The following ADAM17 variants were observed in gnomAD, a reference collection of about 807,000 sequenced individuals.
ADAM17 encodes disintegrin and metalloproteinase domain-containing protein 17.
Under a neutral mutation model 96.7 loss-of-function variants are expected in ADAM17, and 39 were observed. That is an observed-to-expected ratio of 0.40 (90% confidence interval 0.31 to 0.53). The LOEUF (loss-of-function observed/expected upper bound fraction) is 0.53. Ranked by LOEUF, ADAM17 falls within the 20% of genes least tolerant of loss-of-function variation. ADAM17 has a pLI of 0.44. For missense variants in ADAM17, 777 were observed against 1,013.2 expected, an observed-to-expected ratio of 0.77 and a Z score of 3.17; for synonymous variants, 344 against 359.2, an observed-to-expected ratio of 0.96 and a Z score of 0.48.
At chr2:9,526,323 T>G in intron 5 of ADAM17, 79 bp from the exon 6 acceptor site, 2 of 1,439,148 alleles carry the variant, frequency 1.4e-6, no homozygotes, top group Non-Finnish European at 1.9e-6. Flanking sequence ...AAATCTAACA[T>G]ATTTTTGAAA....
chr2:9,553,225 C>T (rs912486032), intron 1 of ADAM17, among the ~76,000 whole-genome samples: 13 of 152,156 alleles, frequency 8.5e-5, no homozygotes, highest in African/African-American at 2.2e-4. Flanking sequence ...CTTGCTATAA[C>T]GTACTCTAGC....
chr2:9,534,396 A>G (rs1303328460), intron 4 of ADAM17, among the ~76,000 whole-genome samples: 3 of 151,830 alleles, frequency 2.0e-5, no homozygotes, highest in Admixed American at 1.3e-4. Context: ...TTAGCCGGAC[A>G]TCATGGCGCA....
At position 9,502,407 on chromosome 2, in the gene ADAM17, C is replaced by T; in HGVS notation, c.1545-131G>A. The T allele has an allele frequency of 4.3e-6, 3 of 693,432 alleles. No individual in the cohort carries two copies. The Admixed American group carries it at 7.5e-5, about 17-fold the overall frequency. 43.0% of individuals were successfully genotyped at this position (693,432 alleles called of 1,614,324 possible). On this transcript the variant is annotated intron_variant, in intron 12 of 18. Coordinates refer to ENST00000310823, the MANE Select transcript of ADAM17 (RefSeq NM_003183.6). ...CTCCTGGCTCCGTCACCCACTCCTA[C>T]ATCATCAGACATCTCCGCTGCTAGA... is the stretch of plus-strand genomic sequence containing the variant.
chr2:9,534,909 T>A (rs1664899421), intron 4 of ADAM17, among the ~76,000 whole-genome samples: 1 of 152,254 alleles, frequency 6.6e-6, no homozygotes, highest in African/African-American at 2.4e-5. Flanking sequence ...TGAATGCATT[T>A]ATAATATTAG....
At chr2:9,510,339 G>A (rs989747075) in intron 10 of ADAM17, among the ~76,000 whole-genome samples, 7 of 151,916 alleles carry the variant, frequency 4.6e-5, no homozygotes, top group Non-Finnish European at 1.0e-4. Context: ...GGTAACACAG[G>A]GAGACCCTAT....
rs769256744 is a variant in ADAM17 at position 9,506,359 on chromosome 2, GTTTTTTTTTTTTTTT to G, written c.1345-1009_1345-995del. On this transcript the variant is annotated intron_variant, in intron 11 of 18. Transcript: ENST00000310823. ...CTTTTTAAAAAACATCTTCAAATCT[GTTTTTTTTTTTTTTT>G]TTTTTTTTTTTTAGATGGAGTCTTG... Among the ~76,000 whole-genome samples the G allele has an allele frequency of 2.7e-5, 2 of 73,208 alleles. 1 individual carries two copies. Among genetic ancestry groups the G allele is most frequent in the Admixed American group, 2.8e-4 (2 of 7,018 alleles). The allele number at this position is 73,208 out of a possible 152,430, so 48.0% of individuals were successfully genotyped here.
At chr2:9,505,027 A>C (rs1663299611) in intron 12 of ADAM17, 139 bp downstream of exon 12, 1 of 946,796 alleles carries the variant, frequency 1.1e-6, no homozygotes. Flanking sequence ...CTTGCTGTGA[A>C]GGGCAAAAGA....
intron 6 of ADAM17, among the ~76,000 whole-genome samples, chr2:9,525,159 T>C (rs1007747650): frequency 1.3e-5 from 2 of 151,718 alleles, no homozygotes; most frequent in African/African-American, 2.4e-5. Flanking sequence ...TGGGGCCGAG[T>C]GCTGTGGTTC....
intron 17 of ADAM17, among the ~76,000 whole-genome samples, chr2:9,492,360 C>T (rs1284389548): frequency 6.6e-6 from 1 of 152,198 alleles, no homozygotes; most frequent in Non-Finnish European, 1.5e-5. Context: ...CAACTTGTAG[C>T]TGTTACTGAT....
At chr2:9,521,073 G>T (rs1664289964) in intron 8 of ADAM17, 130 bp downstream of exon 8, 1 of 624,960 alleles carries the variant, frequency 1.6e-6, no homozygotes, top group Non-Finnish European at 2.8e-6. Flanking sequence ...GGTTACTGCT[G>T]GATCAGCTGG....
chr2:9,534,307 T>C (rs1231731278), intron 4 of ADAM17, among the ~76,000 whole-genome samples: 1 of 152,134 alleles, frequency 6.6e-6, no homozygotes, highest in Non-Finnish European at 1.5e-5. Flanking sequence ...AGCCAGAGGT[T>C]GCAGTGAGCC....
chr2:9,529,668 A>C (rs1664661254), intron 4 of ADAM17, among the ~76,000 whole-genome samples: 1 of 151,924 alleles, frequency 6.6e-6, no homozygotes, highest in South Asian at 2.1e-4. Flanking sequence ...TGTTTGCACA[A>C]CTCCATCAAT....
At chr2:9,543,087 C>T (rs1665272803) in intron 2 of ADAM17, 66 bp downstream of exon 2, 2 of 1,458,220 alleles carry the variant, frequency 1.4e-6, no homozygotes, top group Non-Finnish European at 1.8e-6. Context: ...GATACCCTTA[C>T]TTTTTTGTTT....
In ADAM17 at chr2:9,514,420, G is replaced by A. The variant is rs1488721212; in HGVS notation, c.1191+3481C>T. ...AGGAGATATACCTAATGTAAATGACGAGTTAATGGGTGCAGCACACCAACA... is the reference window on the plus strand; with the variant it reads ...AGGAGATATACCTAATGTAAATGACAAGTTAATGGGTGCAGCACACCAACA... On this transcript the variant is annotated intron_variant, in intron 10 of 18. Transcript: ENST00000310823. Among the ~76,000 whole-genome samples the A allele has an allele frequency of 9.5e-5, 14 of 147,178 alleles. No homozygotes were observed. In the East Asian group the frequency reaches 2.3e-3, roughly 24 times the overall value.
intron 1 of ADAM17, among the ~76,000 whole-genome samples, chr2:9,546,728 T>TTTTTTTTG (rs1665416702): frequency 6.6e-6 from 1 of 151,098 alleles, no homozygotes. Flanking sequence ...TTTTTTTTTT[T>TTTTTTTTG]GAAATGGAGT....
chr2:9,555,266 T>A (rs1665704176), intron 1 of ADAM17, among the ~76,000 whole-genome samples: 2 of 151,966 alleles, frequency 1.3e-5, no homozygotes, highest in African/African-American at 4.8e-5. Context: ...AGCAAACCCC[T>A]CTCAGGCGCT....
Position 9,503,586 on chromosome 2 carries a change from A to T in ADAM17, c.1545-1310T>A, listed in dbSNP as rs1042687114. On this transcript the variant is annotated intron_variant, in intron 12 of 18. Coordinates refer to ENST00000310823, the MANE Select transcript of ADAM17 (RefSeq NM_003183.6). ...CCAGGAGCAGTGGCTCACGCCTGTAATCCCAACACTTTGGGAGGCTGAGGC... is the reference window on the plus strand; with the variant it reads ...CCAGGAGCAGTGGCTCACGCCTGTATTCCCAACACTTTGGGAGGCTGAGGC... Among the ~76,000 whole-genome samples, 3 of 152,320 alleles carry T rather than the reference A, an allele frequency of 2.0e-5. No individual in the cohort carries two copies. In the East Asian group the frequency reaches 5.8e-4, roughly 29 times the overall value.
intron 2 of ADAM17, among the ~76,000 whole-genome samples, chr2:9,541,517 C>G (rs754957025): frequency 1.3e-5 from 2 of 152,076 alleles, no homozygotes; most frequent in Non-Finnish European, 2.9e-5. Flanking sequence ...GAGCTAAGAT[C>G]GTGCCATTGC....
At chr2:9,513,928 T>A (rs1399137778) in intron 10 of ADAM17, among the ~76,000 whole-genome samples, 2 of 151,228 alleles carry the variant, frequency 1.3e-5, no homozygotes, top group African/African-American at 4.9e-5. Flanking sequence ...GGAGAATTGC[T>A]TGAATCCGGG....
Sources: allele counts gnomAD v4.1 joint callset (sites outside exome capture counted in the v4.1 genomes callset), GRCh38; gene constraint gnomAD v4.1.1; transcripts MANE v1.5; gene names NCBI Gene and HGNC (gene_info 2026-07-23, HGNC 2026-07-21).